DDOST: variants seen among roughly 807,000 people sequenced by gnomAD.
DDOST encodes the protein dolichyl-diphosphooligosaccharide--protein glycosyltransferase non-catalytic subunit.
Under a neutral mutation model 47.6 loss-of-function variants are expected in DDOST, and 25 were observed. The observed-to-expected ratio is 0.53, with a 90% CI of 0.38 to 0.73. The LOEUF (loss-of-function observed/expected upper bound fraction) is 0.73, where lower values mean the gene tolerates loss of function less well. Among genes scored for constraint, DDOST ranks in the 30% least tolerant of loss-of-function variants. DDOST has a pLI of 0.00. For synonymous variants in DDOST, 275 were observed against 236.0 expected, an observed-to-expected ratio of 1.17 and a Z score of -1.51; for missense variants, 526 against 573.9, an observed-to-expected ratio of 0.92 and a Z score of 0.85.
At chr1:20,660,370 C>T (rs2053421896) in intron 2 of DDOST, 1 of 153,298 alleles carries the variant, frequency 6.5e-6, no homozygotes. Context: ...AACGACTAGC[C>T]CACTGCAAGG....
intron 5 of DDOST, 66 bp from the exon 6 acceptor site, chr1:20,654,773 G>A (rs1001515451): frequency 2.0e-5 from 21 of 1,056,904 alleles, no homozygotes; most frequent in African/African-American, 4.7e-5. Flanking sequence ...TGGGATCCCC[G>A]AGAGCCAGTT....
intron 2 of DDOST, chr1:20,660,416 AG>A (rs1176769078): frequency 6.5e-6 from 1 of 154,348 alleles, no homozygotes; most frequent in Non-Finnish European, 1.4e-5. Context: ...AAATGGGAGG[AG>A]GGGTGGGGTG....
chr1:20,660,925 T>A lies in DDOST; in HGVS notation c.221A>T (p.Glu74Val). 1.2e-6 allele frequency: 2 copies of A among 1,613,512 alleles called. No individual in the cohort carries two copies. Among genetic ancestry groups the A allele is most frequent in the Non-Finnish European group, 1.7e-6 (2 of 1,179,538 alleles). The change falls in exon 2 of 11, where the codon GAA becomes GTA. Residue 74 changes from glutamate (E) to valine (V), a missense_variant. Coordinates refer to ENST00000602624, the MANE Select transcript of DDOST (RefSeq NM_005216.5). The stretch of plus-strand genomic sequence containing the variant: ...AATGATGAGATTGTCATAGAGGAAT[T>A]CCCCATACTTTATGAGAGACAGGCT... The part of the protein sequence containing the change: ...DPSLSLIKYG[E>V]FLYDNLIIFS...
intron 8 of DDOST, 152 bp from the exon 9 acceptor site, chr1:20,653,123 G>C (rs1557570920): frequency 1.2e-5 from 10 of 812,450 alleles, no homozygotes; most frequent in Non-Finnish European, 1.7e-5. Flanking sequence ...ACCCGGCCCT[G>C]ATCAGTAACC....
rs2053291039 is a variant in DDOST, at chr1:20,651,843, G to C, written c.*536C>G. 1 of 116,030 alleles carries C rather than the reference G, an allele frequency of 8.6e-6. No individual in the cohort carries two copies. The highest frequency in any genetic ancestry group is 3.4e-4 in the East Asian group (1 of 2,984). 7.2% of individuals were successfully genotyped at this position (116,030 alleles called of 1,614,324 possible). On this transcript the variant is annotated 3_prime_UTR_variant, in exon 11 of 11. Coordinates refer to ENST00000602624, the MANE Select transcript of DDOST (RefSeq NM_005216.5). Reference sequence around the variant, plus strand: ...TTTATTTATTTATTTATTTATATTTGAGACAGAGTCTTAACACTGTTGCCC... The same window carrying C: ...TTTATTTATTTATTTATTTATATTTCAGACAGAGTCTTAACACTGTTGCCC...
In DDOST at chr1:20,652,330, C is replaced by T. The variant is rs768756395; in HGVS notation, c.*49G>A. On this transcript the variant is annotated 3_prime_UTR_variant, in exon 11 of 11. Transcript: ENST00000602624. Reference sequence around the variant, plus strand: ...AAAACAAAACCACCAATCCTAATAACCCCCCTCCTTGCCCCGTCTCCACGC... The same window carrying T: ...AAAACAAAACCACCAATCCTAATAATCCCCCTCCTTGCCCCGTCTCCACGC... 4.0e-6 allele frequency: 6 copies of T among 1,497,820 alleles called. No homozygotes were observed. The African/African-American group carries it at 7.0e-5, about 18-fold the overall frequency. 92.8% of individuals were successfully genotyped at this position (1,497,820 alleles called of 1,614,324 possible).
rs2154534440 is a variant in DDOST at position 20,660,670 on chromosome 1, C to G, written c.265+211G>C. On this transcript the variant is annotated intron_variant, in intron 2 of 10. Coordinates refer to ENST00000602624, the MANE Select transcript of DDOST (RefSeq NM_005216.5). ...CTGGGTTCCACGGTCTGCAGCAACA[C>G]TTGACTCCACAATCCTTAGCTGTTT... 1.0e-5 allele frequency: 5 copies of G among 481,708 alleles called. No individual in the cohort carries two copies. The South Asian group carries it at 1.2e-4, about 12-fold the overall frequency. 29.8% of individuals were successfully genotyped at this position (481,708 alleles called of 1,614,324 possible). A position where few individuals can be genotyped will look rare whatever the true frequency, so the allele number is the denominator to read the frequency against.
At chr1:20,660,808 A>G (rs2053425982) in intron 2 of DDOST, 73 bp downstream of exon 2, 2 of 886,690 alleles carry the variant, frequency 2.3e-6, no homozygotes, top group Non-Finnish European at 3.7e-6. Flanking sequence ...GACATGCCCA[A>G]GAACCAGAAG....
Position 20,652,182 on chromosome 1 carries a change from G to C in DDOST, c.*197C>G. The C allele has an allele frequency of 1.9e-6, 1 of 519,936 alleles. No individual in the cohort carries two copies. Among genetic ancestry groups the C allele is most frequent in the Non-Finnish European group, 3.2e-6 (1 of 308,220 alleles). The allele number at this position is 519,936 out of a possible 1,614,324, so 32.2% of individuals were successfully genotyped here. On this transcript the variant is annotated 3_prime_UTR_variant, in exon 11 of 11. Coordinates refer to ENST00000602624, the MANE Select transcript of DDOST (RefSeq NM_005216.5). The stretch of plus-strand genomic sequence containing the variant: ...GCACATAGGAAAAATGCCACTTTTA[G>C]CAATTCAAAGTGGAAAAACTTCTTT...
chr1:20,654,486 G>C, intron 6 of DDOST, 115 bp from the exon 7 acceptor site: 19 of 1,418,728 alleles, frequency 1.3e-5, no homozygotes, highest in East Asian at 2.5e-5. Flanking sequence ...CTACCTGAAG[G>C]GGGAGCCTGA....
intron 2 of DDOST, among the ~76,000 whole-genome samples, chr1:20,657,392 C>T (rs1245670121): frequency 2.0e-5 from 3 of 152,088 alleles, no homozygotes; most frequent in Admixed American, 6.5e-5. Flanking sequence ...GACTAGGGTA[C>T]GAGGGTGAAA....
Position 20,652,309 on chromosome 1 carries a change from C to CA in DDOST, c.*69dup, listed in dbSNP as rs1557570125. On this transcript the variant is annotated 3_prime_UTR_variant, in exon 11 of 11. Coordinates refer to ENST00000602624, the MANE Select transcript of DDOST (RefSeq NM_005216.5). ...TCCCACGGCTTTAAACAAAGCAAAA[C>CA]AAAACCACCAATCCTAATAACCCCC... is the stretch of plus-strand genomic sequence containing the variant. 9 of 1,443,642 alleles carry CA rather than the reference C, an allele frequency of 6.2e-6. No homozygotes were observed. The highest frequency in any genetic ancestry group is 8.2e-6 in the Non-Finnish European group (9 of 1,093,046). 89.4% of individuals were successfully genotyped at this position (1,443,642 alleles called of 1,614,324 possible). A position where few individuals can be genotyped will look rare whatever the true frequency, so the allele number is the denominator to read the frequency against.
At chr1:20,655,599 T>A (rs914065741) in intron 4 of DDOST, 65 bp from the exon 5 acceptor site, 6 of 1,593,806 alleles carry the variant, frequency 3.8e-6, no homozygotes, top group Non-Finnish European at 5.2e-6. Flanking sequence ...GAGAACCTCC[T>A]CACACCCTCT....
intron 8 of DDOST, 169 bp from the exon 9 acceptor site, chr1:20,653,140 TCTC>T (rs1229286932): frequency 8.6e-6 from 6 of 698,022 alleles, no homozygotes; most frequent in Admixed American, 2.8e-5. Flanking sequence ...AACCAGTCTC[TCTC>T]CTCAGCAAGG....
chr1:20,657,829 C>T (rs907543428), intron 2 of DDOST, among the ~76,000 whole-genome samples: 1 of 152,212 alleles, frequency 6.6e-6, no homozygotes, highest in African/African-American at 2.4e-5. Flanking sequence ...ATCTACTCTC[C>T]TTTGGAGAGG....
rs587776874 is a variant in DDOST, at chr1:20,652,463, GTAGTAGGGGTAGGCCGAGGGGA to G, written c.1214_1235del (p.Ile405ThrfsTer7). On this transcript the variant is annotated frameshift_variant, in exon 11 of 11. Transcript: ENST00000602624. LOFTEE classifies it high-confidence loss of function. ...CCAGCATCATGGAGAAGGCGCTGGCGTAGTAGGGGTAGGCCGAGGGGATGAAGCGCTCATACTGCGTGTGCTG... is the reference window on the plus strand; with the variant it reads ...CCAGCATCATGGAGAAGGCGCTGGCGTGAAGCGCTCATACTGCGTGTGCTG... 1 of 1,613,958 alleles carries G rather than the reference GTAGTAGGGGTAGGCCGAGGGGA, an allele frequency of 6.2e-7. No individual in the cohort carries two copies. The highest frequency in any genetic ancestry group is 1.7e-5 in the Admixed American group (1 of 60,030).
intron 2 of DDOST, among the ~76,000 whole-genome samples, chr1:20,660,049 A>C (rs2154534419): frequency 6.6e-6 from 1 of 152,360 alleles, no homozygotes; most frequent in African/African-American, 2.4e-5. Context: ...CAAATAAAGA[A>C]GAGAATGACT....
rs955578863 is a variant in DDOST at position 20,654,250 on chromosome 1, A to G, written c.767T>C (p.Val256Ala). The change falls in exon 7 of 11, where the codon GTG becomes GCG. Residue 256 changes from valine to alanine, a missense_variant. Transcript: ENST00000602624. ...CTGGGAGCCGGGCGCCGCCTTCTGC[A>G]CTGCTGAGTTGAAGAAGGAGTCGCT... ...FFSDSFFNSA[V>A]QKAAPGSQRY... 59 of 1,551,282 alleles carry G rather than the reference A, an allele frequency of 3.8e-5. No homozygotes were observed. Among genetic ancestry groups the G allele is most frequent in the Non-Finnish European group, 5.1e-5 (59 of 1,147,054 alleles).
In DDOST at chr1:20,652,222, C is replaced by T. The variant is rs1482570339; in HGVS notation, c.*157G>A. On this transcript the variant is annotated 3_prime_UTR_variant, in exon 11 of 11. Transcript: ENST00000602624. ...AAAACTTCTTTTATATAAAAATTAT[C>T]CCAACTCCCACCCCTTGGCTCTCAG... is the stretch of plus-strand genomic sequence containing the variant. 2 of 674,554 alleles carry T rather than the reference C, an allele frequency of 3.0e-6. No homozygotes were observed. Among genetic ancestry groups the T allele is most frequent in the East Asian group, 6.1e-5 (2 of 32,848 alleles). The allele number at this position is 674,554 out of a possible 1,614,324, so 41.8% of individuals were successfully genotyped here.
Sources: allele counts gnomAD v4.1 joint callset (sites outside exome capture counted in the v4.1 genomes callset), GRCh38; gene constraint gnomAD v4.1.1; transcripts MANE v1.5; gene names NCBI Gene and HGNC (gene_info 2026-07-23, HGNC 2026-07-21).